Variants in DLGAP2 observed in about 807,000 individuals in gnomAD.
DLGAP2 encodes the protein DLG associated protein 2, also known as disks large-associated protein 2.
DLGAP2 carries 26 observed loss-of-function variants against 100.3 expected under a neutral mutation model. The observed-to-expected ratio is 0.26, with a 90% confidence interval of 0.19 to 0.36. The LOEUF (loss-of-function observed/expected upper bound fraction) is 0.36. Ranked by LOEUF, DLGAP2 falls within the 10% of genes least tolerant of loss-of-function variation. DLGAP2 has a pLI of 1.00. For synonymous variants in DLGAP2, 886 were observed against 630.1 expected, an observed-to-expected ratio of 1.41 and a Z score of -6.08; for missense variants, 1,858 against 1,453.2, an observed-to-expected ratio of 1.28 and a Z score of -4.53.
intron 1 of DLGAP2, chr8:738,534 C>A (rs1229427401): frequency 6.6e-6 from 1 of 152,304 alleles, no homozygotes; most frequent in Non-Finnish European, 1.5e-5. Flanking sequence ...TGTAACTAAG[C>A]CTCCCCCGGC....
intron 8 of DLGAP2, among the ~76,000 whole-genome samples, chr8:1,657,451 G>C (rs1318388983): frequency 6.6e-6 from 1 of 152,218 alleles, no homozygotes; most frequent in Non-Finnish European, 1.5e-5. Flanking sequence ...CAACTGAATG[G>C]CTGGATATTT....
intron 8 of DLGAP2, among the ~76,000 whole-genome samples, chr8:1,658,315 A>G (rs534961870): frequency 6.6e-6 from 1 of 152,260 alleles, no homozygotes; most frequent in East Asian, 1.9e-4. Flanking sequence ...TTTACATATG[A>G]AAGCTCCTAG....
intron 6 of DLGAP2, among the ~76,000 whole-genome samples, chr8:1,603,705 G>A (rs2130710446): frequency 6.6e-6 from 1 of 152,240 alleles, no homozygotes; most frequent in African/African-American, 2.4e-5. Context: ...ACACTGTGAT[G>A]GGCTCAGCAT....
At chr8:1,390,807 A>G (rs1563122276) in intron 3 of DLGAP2, among the ~76,000 whole-genome samples, 1 of 152,172 alleles carries the variant, frequency 6.6e-6, no homozygotes, top group East Asian at 1.9e-4. Context: ...TCTCTTATCC[A>G]CAGAGCGAGC....
chr8:948,264 C>G (rs1799382568), intron 2 of DLGAP2, among the ~76,000 whole-genome samples: 1 of 152,248 alleles, frequency 6.6e-6, no homozygotes, highest in African/African-American at 2.4e-5. Context: ...GTGGAGGACC[C>G]TGTTTCCTGG....
chr8:1,601,172 A>G (rs1265514300), intron 6 of DLGAP2, among the ~76,000 whole-genome samples: 2 of 152,156 alleles, frequency 1.3e-5, no homozygotes, highest in Non-Finnish European at 2.9e-5. Flanking sequence ...TCCACTCCAG[A>G]CCCTGTTTGC....
At chr8:1,193,945 A>G (rs1421724877) in intron 2 of DLGAP2, among the ~76,000 whole-genome samples, 1 of 152,098 alleles carries the variant, frequency 6.6e-6, no homozygotes, top group Non-Finnish European at 1.5e-5. Context: ...TCAGTAATTT[A>G]AGGTCTTTGC....
intron 3 of DLGAP2, among the ~76,000 whole-genome samples, chr8:1,387,619 G>T (rs1481982807): frequency 6.6e-6 from 1 of 152,200 alleles, no homozygotes; most frequent in African/African-American, 2.4e-5. Flanking sequence ...CTACCCCACA[G>T]AAAAAGATCA....
intron 2 of DLGAP2, among the ~76,000 whole-genome samples, chr8:913,435 G>T (rs749202199): frequency 1.3e-5 from 2 of 152,238 alleles, no homozygotes; most frequent in African/African-American, 4.8e-5. Flanking sequence ...AACAGTTTGC[G>T]ATAGCTGCTG....
chr8:1,653,400 G>A (rs1056412144), intron 8 of DLGAP2, among the ~76,000 whole-genome samples: 2 of 152,202 alleles, frequency 1.3e-5, no homozygotes, highest in African/African-American at 2.4e-5. Flanking sequence ...CCGAGCCCGG[G>A]TATCCCGTGG....
chr8:1,096,244 C>A (rs111585442), intron 2 of DLGAP2, among the ~76,000 whole-genome samples: 13 of 152,226 alleles, frequency 8.5e-5, no homozygotes, highest in Non-Finnish European at 7.3e-5. Flanking sequence ...TAAGAAGCAC[C>A]TGGGCCACTT....
intron 2 of DLGAP2, among the ~76,000 whole-genome samples, chr8:1,212,778 C>G (rs1288474781): frequency 8.7e-6 from 1 of 115,484 alleles, no homozygotes; most frequent in Non-Finnish European, 1.7e-5. Flanking sequence ...CGCCCACCCC[C>G]CATGATTAGC....
intron 3 of DLGAP2, among the ~76,000 whole-genome samples, chr8:1,305,642 C>T (rs188352182): frequency 6.6e-6 from 1 of 152,304 alleles, no homozygotes; most frequent in Admixed American, 6.5e-5. Flanking sequence ...ATAAAAATTA[C>T]ACTGAAAACC....
intron 2 of DLGAP2, among the ~76,000 whole-genome samples, chr8:938,230 G>GC (rs1486213788): frequency 6.6e-6 from 1 of 152,036 alleles, no homozygotes; most frequent in Non-Finnish European, 1.5e-5. Flanking sequence ...TGTTGCCCAG[G>GC]CTGGAGTATA....
At chr8:807,038 T>C (rs1213312580) in intron 1 of DLGAP2, among the ~76,000 whole-genome samples, 1 of 152,186 alleles carries the variant, frequency 6.6e-6, no homozygotes, top group Non-Finnish European at 1.5e-5. Context: ...AAACCTCAAA[T>C]AATTCTTGAC....
chr8:1,338,765 G>T (rs1321183958), intron 3 of DLGAP2, among the ~76,000 whole-genome samples: 1 of 152,218 alleles, frequency 6.6e-6, no homozygotes, highest in Non-Finnish European at 1.5e-5. Context: ...TACGCACCCT[G>T]TGGAGACTGA....
At chr8:1,372,696 G>A (rs1363886419) in intron 3 of DLGAP2, among the ~76,000 whole-genome samples, 6 of 152,202 alleles carry the variant, frequency 3.9e-5, no homozygotes, top group South Asian at 2.1e-4. Flanking sequence ...CATGGACGGC[G>A]TGGGCTAGAG....
chr8:1,367,912 C>G (rs2129690464), intron 3 of DLGAP2, among the ~76,000 whole-genome samples: 2 of 152,344 alleles, frequency 1.3e-5, no homozygotes, highest in South Asian at 4.1e-4. Context: ...GATACCCGAA[C>G]AAGCTCAGTT....
At chr8:1,323,381 G>T (rs534822453) in intron 3 of DLGAP2, among the ~76,000 whole-genome samples, 1 of 152,114 alleles carries the variant, frequency 6.6e-6, no homozygotes, top group African/African-American at 2.4e-5. Flanking sequence ...CACATCCTCC[G>T]GGAGGAAAGG....
Sources: allele counts gnomAD v4.1 joint callset (sites outside exome capture counted in the v4.1 genomes callset), GRCh38; gene constraint gnomAD v4.1.1; transcripts MANE v1.5; gene names NCBI Gene and HGNC (gene_info 2026-07-23, HGNC 2026-07-21).